SLC45A4: variants seen among roughly 807,000 people sequenced by gnomAD.
SLC45A4 encodes solute carrier family 45 member 4, also known as polyamine-transporter SLC45A4.
In SLC45A4, 32 loss-of-function variants were observed where a neutral mutation model predicts 63.7. The observed-to-expected ratio is 0.50, with a 90% CI of 0.38 to 0.67. The LOEUF (loss-of-function observed/expected upper bound fraction) is 0.67, where lower values mean the gene tolerates loss of function less well. Among genes scored for constraint, SLC45A4 ranks in the 30% least tolerant of loss-of-function variants. The probability of loss-of-function intolerance (pLI) is 0.00; values close to 1 mark genes in which losing one functional copy is unlikely to be tolerated. For synonymous variants in SLC45A4, 535 were observed against 510.0 expected (o/e 1.05, Z -0.66); for missense variants, 1,027 against 1,157.7 (o/e 0.89, Z 1.64).
In SLC45A4 at chr8:141,216,986, C is replaced by G; in HGVS notation, c.1729+104G>C. On this transcript the variant is annotated intron_variant, in intron 6 of 8. Coordinates refer to ENST00000517878, the MANE Select transcript of SLC45A4 (RefSeq NM_001286646.2). ...GTTTTGAGGGACCCAGAAGTCAGTG[C>G]GACTGATGGCCCCAGCTTCTAAGGT... 5.1e-6 allele frequency: 6 copies of G among 1,174,350 alleles called. 1 individual carries two copies. In the South Asian group the frequency reaches 6.6e-5, roughly 13 times the overall value. 72.7% of individuals were successfully genotyped at this position (1,174,350 alleles called of 1,614,324 possible).
chr8:141,272,274 G>A (rs1829568834), intron 1 of SLC45A4, among the ~76,000 whole-genome samples: 1 of 152,228 alleles, frequency 6.6e-6, no homozygotes, highest in African/African-American at 2.4e-5. Flanking sequence ...GGTCAGGACA[G>A]TCCCCAAAAT....
chr8:141,229,680 C>A lies in SLC45A4; in HGVS notation c.242-7915G>T, dbSNP rs1827239447. On this transcript the variant is annotated intron_variant, in intron 2 of 8. Transcript: ENST00000517878. This position sits in a 1 kb window ranked among gnomAD's most constrained non-coding sequence, Gnocchi z 5.0. ...GCCACTCCAGTGCGTGCCAGGTGGG[C>A]CCTGACAACAGACCCACTGGGTGAT... Among the ~76,000 whole-genome samples, 1 of 152,278 alleles carries A rather than the reference C, an allele frequency of 6.6e-6. No homozygotes were observed. Among genetic ancestry groups the A allele is most frequent in the Admixed American group, 6.5e-5 (1 of 15,294 alleles).
At chr8:141,291,749 C>T (rs568900839) in intron 1 of SLC45A4, among the ~76,000 whole-genome samples, 12 of 152,314 alleles carry the variant, frequency 7.9e-5, no homozygotes, top group Admixed American at 4.6e-4. Context: ...ATGTTACTGG[C>T]GTGGCTTGCC....
At position 141,278,600 on chromosome 8, in the gene SLC45A4, C is replaced by A. The variant is rs1174793719; in HGVS notation, c.-400-23971G>T. On this transcript the variant is annotated intron_variant, in intron 1 of 8. Transcript: ENST00000517878. This position sits in a 1 kb window ranked among gnomAD's most constrained non-coding sequence, Gnocchi z 4.1. Reference sequence around the variant, plus strand: ...GGGCAGCCGAAGGAGAGACAGGCCTCTGCCCCCTAGCCACCAGCAGCTGAG... The same window carrying A: ...GGGCAGCCGAAGGAGAGACAGGCCTATGCCCCCTAGCCACCAGCAGCTGAG... Among the ~76,000 whole-genome samples the A allele has an allele frequency of 6.6e-6, 1 of 152,250 alleles. No homozygotes were observed. Among genetic ancestry groups the A allele is most frequent in the African/African-American group, 2.4e-5 (1 of 41,470 alleles).
Position 141,256,923 on chromosome 8 carries a change from G to A in SLC45A4, c.-400-2294C>T, listed in dbSNP as rs915977200. On this transcript the variant is annotated intron_variant, in intron 1 of 8. Transcript: ENST00000517878. The surrounding 1 kb of genome is among the most constrained non-coding windows in gnomAD (Gnocchi z 4.3). Reference sequence around the variant, plus strand: ...GGCTGGAGTGCAGTGGTGTGATCTCGGCTCACTGCAACCTCCGCCTCCCAG... The same window carrying A: ...GGCTGGAGTGCAGTGGTGTGATCTCAGCTCACTGCAACCTCCGCCTCCCAG... 5.9e-5 allele frequency: 15 copies of A among 252,404 alleles called. 1 individual carries two copies. Among genetic ancestry groups the A allele is most frequent in the South Asian group, 3.8e-4 (10 of 26,208 alleles). 15.6% of individuals were successfully genotyped at this position (252,404 alleles called of 1,614,324 possible). A position where few individuals can be genotyped will look rare whatever the true frequency, so the allele number is the denominator to read the frequency against.
intron 1 of SLC45A4, among the ~76,000 whole-genome samples, chr8:141,306,762 C>A (rs915749264): frequency 6.6e-5 from 10 of 152,222 alleles, no homozygotes; most frequent in South Asian, 6.2e-4. Flanking sequence ...AAGCGCAGGG[C>A]GCTCTCAGTA....
chr8:141,285,646 C>G (rs1002996802), intron 1 of SLC45A4, among the ~76,000 whole-genome samples: 26 of 152,222 alleles, frequency 1.7e-4, no homozygotes, highest in African/African-American at 6.3e-4. Flanking sequence ...ACGCGCACCC[C>G]AAGTTAGGGA....
rs749803166 is a variant in SLC45A4 at position 141,265,436 on chromosome 8, C to T, written c.-400-10807G>A. 3.3e-5 allele frequency among the ~76,000 whole-genome samples: 5 copies of T among 152,246 alleles called. No individual in the cohort carries two copies. In the Middle Eastern group the frequency reaches 0.01, roughly 311 times the overall value. On this transcript the variant is annotated intron_variant, in intron 1 of 8. Coordinates refer to ENST00000517878, the MANE Select transcript of SLC45A4 (RefSeq NM_001286646.2). ...GCGCGGGGCGTGTTCTCACACTGCG[C>T]GGGGGCAATCAGATACCATAAAACC... is the stretch of plus-strand genomic sequence containing the variant.
At position 141,215,493 on chromosome 8, in the gene SLC45A4, G is replaced by T. The variant is rs186438833; in HGVS notation, c.1941+266C>A. The stretch of plus-strand genomic sequence containing the variant: ...GACTGGGCCTGAGGGGACCAAAGGG[G>T]CAGGGACAGTGCTTTTGCCTCCAGA... On this transcript the variant is annotated intron_variant, in intron 7 of 8. Transcript: ENST00000517878. This position sits in a 1 kb window ranked among gnomAD's most constrained non-coding sequence, Gnocchi z 4.3. Among the ~76,000 whole-genome samples, 336 of 152,222 alleles carry T rather than the reference G, an allele frequency of 2.2e-3. 2 individuals carry two copies. The highest frequency in any genetic ancestry group is 3.7e-3 in the South Asian group (18 of 4,808).
intron 7 of SLC45A4, among the ~76,000 whole-genome samples, chr8:141,212,834 A>G (rs75952226): frequency 0.012 from 1,821 of 152,300 alleles, 52 homozygotes; most frequent in African/African-American, 0.042. Flanking sequence ...TCTGGCCTCC[A>G]GTCTCAAGGA....
chr8:141,219,642 A>G lies in SLC45A4; in HGVS notation c.610+8T>C. 1 of 1,599,482 alleles carries G rather than the reference A, an allele frequency of 6.3e-7. No individual in the cohort carries two copies. The highest frequency in any genetic ancestry group is 8.5e-7 in the Non-Finnish European group (1 of 1,171,388). On this transcript the variant is annotated splice_region_variant and intron_variant, in intron 4 of 8. Transcript: ENST00000517878. ...CCCGGCCACCCAGCCTTGGTGCGGC[A>G]GCGTTACCGGCAGAGAAGGCGTGGA... is the stretch of plus-strand genomic sequence containing the variant.
rs184806133 is a variant in SLC45A4, at chr8:141,281,442, T to G, written c.-401+26654A>C. Reference sequence around the variant, plus strand: ...GTAAATGGGAGCAACACTGCGAGTGTTGTAAAGGGCAGGTGGCGACACAGC... The same window carrying G: ...GTAAATGGGAGCAACACTGCGAGTGGTGTAAAGGGCAGGTGGCGACACAGC... On this transcript the variant is annotated intron_variant, in intron 1 of 8. Transcript: ENST00000517878. Among the ~76,000 whole-genome samples, 218 of 152,302 alleles carry G rather than the reference T, an allele frequency of 1.4e-3. 1 individual carries two copies. Among genetic ancestry groups the G allele is most frequent in the Non-Finnish European group, 2.2e-3 (151 of 68,018 alleles).
intron 7 of SLC45A4, among the ~76,000 whole-genome samples, chr8:141,214,174 A>G (rs1176168041): frequency 6.6e-6 from 1 of 150,412 alleles, no homozygotes; most frequent in Non-Finnish European, 1.5e-5. Flanking sequence ...CCTGGGCGAC[A>G]GATCGAGACT....
chr8:141,208,750 G>T lies in SLC45A4; in HGVS notation c.*2822C>A, dbSNP rs1825653062. ...CAGGAAAGGGGACACAGGCAGGCCG[G>T]CCCAGCTGAGAGCTCACGGCCTCTG... On this transcript the variant is annotated 3_prime_UTR_variant, in exon 9 of 9. Transcript: ENST00000517878. 1 of 152,248 alleles carries T rather than the reference G, an allele frequency of 6.6e-6. No individual in the cohort carries two copies. Among genetic ancestry groups the T allele is most frequent in the Admixed American group, 6.5e-5 (1 of 15,284 alleles). The allele number at this position is 152,248 out of a possible 1,614,324, so 9.4% of individuals were successfully genotyped here.
At chr8:141,262,276 C>T (rs1829068463) in intron 1 of SLC45A4, among the ~76,000 whole-genome samples, 1 of 150,584 alleles carries the variant, frequency 6.6e-6, no homozygotes, top group East Asian at 1.9e-4. Context: ...AGAAGAAAAC[C>T]TAGGCAATAC....
intron 1 of SLC45A4, among the ~76,000 whole-genome samples, chr8:141,264,582 G>A (rs1192976895): frequency 6.6e-6 from 1 of 152,142 alleles, no homozygotes; most frequent in Non-Finnish European, 1.5e-5. Flanking sequence ...GTCTTTGTTG[G>A]TATTTTTATT....
At chr8:141,269,968 T>A (rs558152294) in intron 1 of SLC45A4, among the ~76,000 whole-genome samples, 2 of 152,098 alleles carry the variant, frequency 1.3e-5, no homozygotes, top group South Asian at 4.2e-4. Flanking sequence ...TTCCCCGCAC[T>A]CCTCTGCTGA....
At chr8:141,275,084 C>T (rs773102506) in intron 1 of SLC45A4, among the ~76,000 whole-genome samples, 11 of 152,208 alleles carry the variant, frequency 7.2e-5, no homozygotes, top group South Asian at 2.1e-4. Flanking sequence ...CCAACCACAT[C>T]GGTTCGACTG....
chr8:141,211,289 A>C lies in SLC45A4; in HGVS notation c.*283T>G. The C allele has an allele frequency of 3.5e-6, 3 of 848,236 alleles. No homozygotes were observed. Among genetic ancestry groups the C allele is most frequent in the South Asian group, 2.7e-5 (1 of 36,480 alleles). The allele number at this position is 848,236 out of a possible 1,614,324, so 52.5% of individuals were successfully genotyped here. A position where few individuals can be genotyped will look rare whatever the true frequency, so the allele number is the denominator to read the frequency against. On this transcript the variant is annotated 3_prime_UTR_variant, in exon 9 of 9. Transcript: ENST00000517878. ...GTCTGGAGGGGCAACCTGGCCTCCT[A>C]GGAGAGTCCTTCAGACGGGACGAGC...
Sources: allele counts gnomAD v4.1 joint callset (sites outside exome capture counted in the v4.1 genomes callset), GRCh38; gene constraint gnomAD v4.1.1; non-coding constraint Gnocchi (gnomAD v3.1); transcripts MANE v1.5; gene names NCBI Gene and HGNC (gene_info 2026-07-23, HGNC 2026-07-21).